The following BLNK variants were observed in gnomAD, a reference collection of about 807,000 sequenced individuals.
BLNK encodes the protein B cell linker, also known as B-cell linker protein.
Under a neutral mutation model 73.5 loss-of-function variants are expected in BLNK, and 29 were observed. That is an observed-to-expected ratio of 0.39 (90% CI 0.29 to 0.54). The LOEUF (loss-of-function observed/expected upper bound fraction) is 0.54. BLNK is among the 20% of genes least tolerant of loss of function. The pLI, the probability that BLNK is intolerant of heterozygous loss-of-function variation, is 0.61. For missense variants in BLNK, 460 were observed against 562.8 expected, an observed-to-expected ratio of 0.82 and a Z score of 1.85; for synonymous variants, 176 against 200.8, an observed-to-expected ratio of 0.88 and a Z score of 1.04.
At chr10:96,236,571 C>T (rs7909005) in intron 3 of BLNK, among the ~76,000 whole-genome samples, 1,916 of 152,162 alleles carry the variant, frequency 0.013, 35 homozygotes, top group African/African-American at 0.043. Flanking sequence ...CCTGTAATCC[C>T]AGCACTTTGG....
Position 96,200,889 on chromosome 10 carries a change from A to C in BLNK, c.1011+93T>G. 4.4e-6 allele frequency: 5 copies of C among 1,138,682 alleles called. No homozygotes were observed. Among genetic ancestry groups the C allele is most frequent in the Non-Finnish European group, 6.7e-6 (5 of 747,230 alleles). 70.5% of individuals were successfully genotyped at this position (1,138,682 alleles called of 1,614,324 possible). On this transcript the variant is annotated intron_variant, in intron 14 of 16. Transcript: ENST00000224337. The surrounding 1 kb of genome is among the most constrained non-coding windows in gnomAD (Gnocchi z 4.3). ...GATGTAAAATACAGTCTCTGTTCTC[A>C]AGGTTCACTCCAAATGTCTTCTTCT...
In BLNK at chr10:96,223,862, T is replaced by C. The variant is rs782361688; in HGVS notation, c.489A>G (p.Gln163=). 14 of 1,613,956 alleles carry C rather than the reference T, an allele frequency of 8.7e-6. No individual in the cohort carries two copies. The South Asian group carries it at 1.4e-4, about 16-fold the overall frequency. ...LPALTALQKP[Q]VPPKPKGLLE... is the part of the protein sequence containing the mutation. The stretch of plus-strand genomic sequence containing the variant: ...GGAGGCCTTTGGGTTTGGGTGGGAC[T>C]TGAGGTTTCTGCAAAGCAGTCAGGG... The change falls in exon 6 of 17, where the codon CAA becomes CAG. Residue 163 remains glutamine, a synonymous_variant. Transcript: ENST00000224337.
intron 9 of BLNK, among the ~76,000 whole-genome samples, chr10:96,209,616 C>A (rs1554898221): frequency 6.6e-6 from 1 of 152,158 alleles, no homozygotes; most frequent in Non-Finnish European, 1.5e-5. Flanking sequence ...TGGTCTTGAA[C>A]TCCTGGCTTC....
In BLNK at chr10:96,192,053, G is replaced by T. The variant is rs782296230; in HGVS notation, c.1291C>A (p.His431Asn). ...SVAEIIRNHQ[H>N]SPLVLIDSQN... ...CTGTCAATAAGAACCAAAGGACTAT[G>T]TTGATGATTCCTGATGATTTCAGCA... The change falls in exon 17 of 17, where the codon CAT (histidine) becomes AAT (asparagine). Residue 431 changes from histidine (H) to asparagine (N), a missense_variant. His to Asn is a moderately conservative substitution (Grantham distance 68). Coordinates refer to ENST00000224337, the MANE Select transcript of BLNK (RefSeq NM_013314.4). The T allele has an allele frequency of 6.2e-7, 1 of 1,613,556 alleles. No individual in the cohort carries two copies. Among genetic ancestry groups the T allele is most frequent in the Non-Finnish European group, 8.5e-7 (1 of 1,179,744 alleles).
At chr10:96,268,508 G>A (rs1844116442) in intron 1 of BLNK, among the ~76,000 whole-genome samples, 1 of 151,750 alleles carries the variant, frequency 6.6e-6, no homozygotes, top group Non-Finnish European at 1.5e-5. Context: ...GGCCTCGGTG[G>A]GAGCAAAGAC....
At position 96,209,760 on chromosome 10, in the gene BLNK, T is replaced by C. The variant is rs2083904264; in HGVS notation, c.746+78A>G. On this transcript the variant is annotated intron_variant, in intron 9 of 16. Coordinates refer to ENST00000224337, the MANE Select transcript of BLNK (RefSeq NM_013314.4). ...AGCCTGCCATGGGGAGAACTTCTAA[T>C]GAAGTCAACAGGGCAGTGGGGTATC... The C allele has an allele frequency of 3.2e-6, 5 of 1,542,088 alleles. No homozygotes were observed. The Admixed American group carries it at 6.7e-5, about 21-fold the overall frequency.
At chr10:96,243,994 A>G (rs946314495) in intron 2 of BLNK, among the ~76,000 whole-genome samples, 30 of 151,896 alleles carry the variant, frequency 2.0e-4, no homozygotes, top group African/African-American at 6.8e-4. Context: ...CATGTTTTGA[A>G]AAAAAAAGCA....
At chr10:96,230,867 G>T in intron 3 of BLNK, 33 bp from the exon 4 acceptor site, 1 of 1,607,158 alleles carries the variant, frequency 6.2e-7, no homozygotes, top group South Asian at 1.1e-5. Flanking sequence ...GAAGGCACAA[G>T]TGTGAGCCTC....
intron 1 of BLNK, among the ~76,000 whole-genome samples, chr10:96,267,508 C>T (rs1350143027): frequency 6.6e-6 from 1 of 152,124 alleles, no homozygotes; most frequent in African/African-American, 2.4e-5. Flanking sequence ...CCAGAAAAAT[C>T]AAGGAAGTAA....
At chr10:96,219,025 C>T (rs1554900456) in intron 6 of BLNK, among the ~76,000 whole-genome samples, 2 of 152,164 alleles carry the variant, frequency 1.3e-5, no homozygotes, top group Non-Finnish European at 2.9e-5. Flanking sequence ...ATTGCTGAAT[C>T]ATCGGAAGTT....
At chr10:96,207,921 G>C (rs1422485114) in intron 9 of BLNK, 22 bp from the exon 10 acceptor site, 1 of 1,613,162 alleles carries the variant, frequency 6.2e-7, no homozygotes. Context: ...AAAGAGATGA[G>C]CTTTGTTAAA....
chr10:96,268,433 T>C (rs2134158042), intron 1 of BLNK, among the ~76,000 whole-genome samples: 1 of 152,134 alleles, frequency 6.6e-6, no homozygotes, highest in African/African-American at 2.4e-5. Flanking sequence ...AAATCATGGC[T>C]AGGAATCAAC....
intron 1 of BLNK, among the ~76,000 whole-genome samples, chr10:96,259,494 C>G (rs555020718): frequency 6.6e-6 from 1 of 152,130 alleles, no homozygotes; most frequent in African/African-American, 2.4e-5. Context: ...AGGACGCCAC[C>G]ATAATCCATG....
chr10:96,252,776 G>A (rs1843338878), intron 1 of BLNK, among the ~76,000 whole-genome samples: 1 of 152,164 alleles, frequency 6.6e-6, no homozygotes. Context: ...AAAAGGGACT[G>A]GCCCTTCTTG....
chr10:96,230,246 C>T (rs1842443604), intron 4 of BLNK, among the ~76,000 whole-genome samples: 1 of 152,170 alleles, frequency 6.6e-6, no homozygotes, highest in African/African-American at 2.4e-5. Context: ...TGCTAATGTT[C>T]TCTTGATCAC....
intron 13 of BLNK, 49 bp from the exon 14 acceptor site, chr10:96,201,107 C>T (rs1671154782): frequency 5.3e-6 from 8 of 1,498,052 alleles, no homozygotes; most frequent in Middle Eastern, 1.7e-4. Flanking sequence ...ATTTCTTGAA[C>T]TCTTTCTATG....
At chr10:96,225,936 C>T (rs977232911) in intron 5 of BLNK, among the ~76,000 whole-genome samples, 2 of 152,158 alleles carry the variant, frequency 1.3e-5, no homozygotes, top group South Asian at 2.1e-4. Flanking sequence ...TGAGCCACCG[C>T]GCTTGGCCAA....
intron 3 of BLNK, among the ~76,000 whole-genome samples, chr10:96,232,246 T>C (rs1842527849): frequency 6.6e-6 from 1 of 152,134 alleles, no homozygotes; most frequent in South Asian, 2.1e-4. Context: ...GAGGATCCAG[T>C]GGATGTTCCT....
At chr10:96,210,024 G>A in intron 8 of BLNK, 117 bp from the exon 9 acceptor site, 1 of 1,074,008 alleles carries the variant, frequency 9.3e-7, no homozygotes, top group Non-Finnish European at 1.4e-6. Context: ...GTTGCTTTCA[G>A]TTAAGCACAT....
Sources: allele counts gnomAD v4.1 joint callset (sites outside exome capture counted in the v4.1 genomes callset), GRCh38; gene constraint gnomAD v4.1.1; non-coding constraint Gnocchi (gnomAD v3.1); transcripts MANE v1.5; gene names NCBI Gene and HGNC (gene_info 2026-07-23, HGNC 2026-07-21).